Variants in PIKFYVE observed in about 807,000 individuals in gnomAD.
The protein encoded by PIKFYVE is phosphoinositide kinase, FYVE-type zinc finger containing, also known as 1-phosphatidylinositol 3-phosphate 5-kinase.
PIKFYVE carries 122 observed loss-of-function variants against 257.9 expected under a neutral mutation model. The observed-to-expected ratio is 0.47, with a 90% CI of 0.41 to 0.55. The LOEUF (loss-of-function observed/expected upper bound fraction) is 0.55, where lower values mean the gene tolerates loss of function less well. PIKFYVE is among the 20% of genes least tolerant of loss of function. PIKFYVE has a pLI of 0.00. For missense variants in PIKFYVE, 2,160 were observed against 2,536.6 expected (o/e 0.85, Z 3.19); for synonymous variants, 892 against 868.9 (o/e 1.03, Z -0.47).
chr2:208,325,572 T>G lies in PIKFYVE; in HGVS notation c.2761T>G (p.Ser921Ala). ...CTGGGATCCTGACATCCCTCCTGAG[T>G]CTCTGCCCTGTGATGATAGCAGTTT... The part of the protein sequence containing the change: ...IPWDPDIPPE[S>A]LPCDDSSLLE... The change falls in exon 20 of 42, where the codon TCT (serine) becomes GCT (alanine). Residue 921 changes from serine to alanine, a missense_variant. Coordinates refer to ENST00000264380, the MANE Select transcript of PIKFYVE (RefSeq NM_015040.4). 6.2e-7 allele frequency: 1 copy of G among 1,614,032 alleles called. No individual in the cohort carries two copies. Among genetic ancestry groups the G allele is most frequent in the Non-Finnish European group, 8.5e-7 (1 of 1,179,944 alleles).
chr2:208,330,748 G>GTT lies in PIKFYVE; in HGVS notation c.3963+65_3963+66dup, dbSNP rs34136239. On this transcript the variant is annotated intron_variant, in intron 23 of 41. Coordinates refer to ENST00000264380, the MANE Select transcript of PIKFYVE (RefSeq NM_015040.4). Reference sequence around the variant, plus strand: ...TTGCCATTTATTTCTTTATTTGTATGTTTTTTTTTTTTCCTGAGGAGGTTT... The same window carrying GTT: ...TTGCCATTTATTTCTTTATTTGTATGTTTTTTTTTTTTTTCCTGAGGAGGTTT... 9,299 of 1,188,734 alleles carry GTT rather than the reference G, an allele frequency of 7.8e-3. 1 individual carries two copies. The highest frequency in any genetic ancestry group is 9.1e-3 in the African/African-American group (488 of 53,486). The allele number at this position is 1,188,734 out of a possible 1,614,324, so 73.6% of individuals were successfully genotyped here. A position where few individuals can be genotyped will look rare whatever the true frequency, so the allele number is the denominator to read the frequency against.
intron 1 of PIKFYVE, among the ~76,000 whole-genome samples, chr2:208,267,506 T>TTTG (rs1280855487): frequency 1.4e-5 from 2 of 143,352 alleles, no homozygotes; most frequent in African/African-American, 2.6e-5. Context: ...TTGCCAGTTT[T>TTTG]TTTTTTTTTT....
chr2:208,276,657 GT>G, intron 3 of PIKFYVE, 54 bp from the exon 4 acceptor site: 1 of 1,236,506 alleles, frequency 8.1e-7, no homozygotes, highest in South Asian at 1.2e-5. Flanking sequence ...ATACCTTGTT[GT>G]ATATAGATAC....
Position 208,273,574 on chromosome 2 carries a change from C to G in PIKFYVE, c.173-10C>G. On this transcript the variant is annotated splice_polypyrimidine_tract_variant and intron_variant, in intron 2 of 41. Transcript: ENST00000264380. ...GTCTTTAAATAATGCCAAGCGTTCC[C>G]TTGCTACAGAGAGAGCAGAAGGAGG... The G allele has an allele frequency of 6.2e-7, 1 of 1,614,134 alleles. No individual in the cohort carries two copies.
chr2:208,339,965 A>G, intron 30 of PIKFYVE, 46 bp from the exon 31 acceptor site: 1 of 1,588,584 alleles, frequency 6.3e-7, no homozygotes, highest in East Asian at 2.3e-5. Context: ...TATACTTCTT[A>G]TTCTCTGTGA....
intron 8 of PIKFYVE, 30 bp from the exon 9 acceptor site, chr2:208,300,907 G>A (rs746807662): frequency 6.2e-7 from 1 of 1,613,302 alleles, no homozygotes; most frequent in South Asian, 1.1e-5. Context: ...TTTTCTCAAG[G>A]GTAACTACTT....
chr2:208,339,526 C>T lies in PIKFYVE; in HGVS notation c.4781C>T (p.Pro1594Leu), dbSNP rs1392534518. The T allele has an allele frequency of 1.2e-6, 2 of 1,614,132 alleles. No homozygotes were observed. The highest frequency in any genetic ancestry group is 1.7e-6 in the Non-Finnish European group (2 of 1,180,024). Residue 1594 changes from proline (P) to leucine (L), a missense_variant, in exon 30 of 42, where the codon CCT becomes CTT. Coordinates refer to ENST00000264380, the MANE Select transcript of PIKFYVE (RefSeq NM_015040.4). ...VMSEQSVGGP[P>L]ELDTASSSED... Reference sequence around the variant, plus strand: ...TCTGAACAGTCAGTGGGAGGGCCCCCTGAGCTAGATACAGCCAGCAGTTCC... The same window carrying T: ...TCTGAACAGTCAGTGGGAGGGCCCCTTGAGCTAGATACAGCCAGCAGTTCC...
At chr2:208,290,033 C>T (rs1444874094) in intron 7 of PIKFYVE, among the ~76,000 whole-genome samples, 1 of 152,064 alleles carries the variant, frequency 6.6e-6, no homozygotes, top group East Asian at 1.9e-4. Context: ...CCCCTATAGC[C>T]CCTGTCCCCA....
rs1265338551 is a variant in PIKFYVE, at chr2:208,325,484, C to T, written c.2673C>T (p.Ser891=). Residue 891 remains serine (S), a synonymous_variant, in exon 20 of 42, where the codon TCC becomes TCT. Coordinates refer to ENST00000264380, the MANE Select transcript of PIKFYVE (RefSeq NM_015040.4). Reference sequence around the variant, plus strand: ...TAATGCAAAACCCTTCATTCCATTCCCTGATTGAGGGACGAGGGCATGAGG... The same window carrying T: ...TAATGCAAAACCCTTCATTCCATTCTCTGATTGAGGGACGAGGGCATGAGG... The part of the protein sequence containing the change: ...PTLMQNPSFH[S]LIEGRGHEGA... 6.2e-7 allele frequency: 1 copy of T among 1,614,078 alleles called. No individual in the cohort carries two copies. The highest frequency in any genetic ancestry group is 8.5e-7 in the Non-Finnish European group (1 of 1,179,996).
At chr2:208,307,407 G>A (rs1464353217) in intron 12 of PIKFYVE, among the ~76,000 whole-genome samples, 1 of 152,182 alleles carries the variant, frequency 6.6e-6, no homozygotes, top group Admixed American at 6.5e-5. Context: ...ATATTGAAGA[G>A]ATAGAGAATT....
Position 208,355,484 on chromosome 2 carries a change from T to A in PIKFYVE, c.*179T>A. ...GGTAAAACTCCATGAATTTGCACTTTGGTTTTTGATACCTGTGGAGCTGTC... is the reference window on the plus strand; with the variant it reads ...GGTAAAACTCCATGAATTTGCACTTAGGTTTTTGATACCTGTGGAGCTGTC... On this transcript the variant is annotated 3_prime_UTR_variant, in exon 42 of 42. Transcript: ENST00000264380. The A allele has an allele frequency of 1.4e-5, 8 of 580,246 alleles. No homozygotes were observed. In the South Asian group the frequency reaches 1.6e-4, roughly 12 times the overall value. The allele number at this position is 580,246 out of a possible 1,614,324, so 35.9% of individuals were successfully genotyped here.
chr2:208,352,794 G>A lies in PIKFYVE; in HGVS notation c.5844+12G>A, dbSNP rs1699894362. 1 of 1,611,334 alleles carries A rather than the reference G, an allele frequency of 6.2e-7. No individual in the cohort carries two copies. The highest frequency in any genetic ancestry group is 1.7e-5 in the Admixed American group (1 of 59,946). On this transcript the variant is annotated intron_variant, in intron 39 of 41. Transcript: ENST00000264380. ...GAAAGATGGCACAGGTAAGGGTATT[G>A]GACTATGTGAAGCATTTAGCTACTG...
chr2:208,293,949 G>A (rs945138786), intron 7 of PIKFYVE, among the ~76,000 whole-genome samples: 3 of 152,094 alleles, frequency 2.0e-5, no homozygotes, highest in African/African-American at 7.2e-5. Flanking sequence ...TGGACCTGTG[G>A]CTTGGCATCT....
chr2:208,342,794 CT>C (rs35986928), intron 32 of PIKFYVE, 145 bp downstream of exon 32: 22,446 of 370,264 alleles, frequency 0.061, 3 homozygotes, highest in Middle Eastern at 0.073. Flanking sequence ...ATAGCTTGTT[CT>C]TTTTTTTTTT....
intron 5 of PIKFYVE, 37 bp from the exon 6 acceptor site, chr2:208,285,689 C>T (rs754903207): frequency 6.4e-7 from 1 of 1,565,488 alleles, no homozygotes; most frequent in Non-Finnish European, 8.8e-7. Flanking sequence ...TCTTTTCCTT[C>T]AATTTCCTTG....
chr2:208,324,422 A>AT, intron 18 of PIKFYVE, 140 bp downstream of exon 18: 1 of 861,242 alleles, frequency 1.2e-6, no homozygotes, highest in African/African-American at 1.7e-5. Flanking sequence ...TATGGCACCT[A>AT]TTTCATTAAG....
chr2:208,305,496 T>G (rs1002267219), intron 12 of PIKFYVE: 45 of 886,338 alleles, frequency 5.1e-5, no homozygotes, highest in Non-Finnish European at 5.9e-5. Context: ...TAATTCATAA[T>G]GCTTATTATG....
chr2:208,353,547 T>TC (rs67021769), intron 39 of PIKFYVE, among the ~76,000 whole-genome samples: 6 of 44,164 alleles, frequency 1.4e-4, no homozygotes, highest in South Asian at 5.8e-4. Context: ...ATCTCTCTCT[T>TC]TTTTTTTTTA....
chr2:208,276,717 A>G lies in PIKFYVE; in HGVS notation c.328A>G (p.Arg110Gly). The change falls in exon 4 of 42, where the codon AGA (arginine) becomes GGA (glycine). Residue 110 changes from arginine (R) to glycine (G), a missense_variant. By Grantham distance (125) the Arg-to-Gly change is moderately radical. This residue lies in a region of PIKFYVE where 172 missense variants were observed against 180.6 expected (regional missense o/e 0.95). Coordinates refer to ENST00000264380, the MANE Select transcript of PIKFYVE (RefSeq NM_015040.4). ...TTTTTTTTAATCCAACTCAGACACA[A>G]GAAGGAAAGCAGAACCTACCTTTGG... ...LQRRSSALDT[R>G]RKAEPTFGGH... The G allele has an allele frequency of 1.2e-6, 2 of 1,613,182 alleles. No homozygotes were observed. Among genetic ancestry groups the G allele is most frequent in the South Asian group, 1.1e-5 (1 of 91,066 alleles).
Sources: gnomAD v4.1 joint callset for allele counts (sites outside exome capture counted in the v4.1 genomes callset) on GRCh38, gnomAD v4.1.1 for gene constraint, gnomAD v4.1.1 regional missense constraint, MANE v1.5 for transcripts, NCBI Gene and HGNC (gene_info 2026-07-23, HGNC 2026-07-21) for gene names.